PRKCE: variants seen among roughly 807,000 people sequenced by gnomAD.
PRKCE encodes the protein protein kinase C epsilon, also known as protein kinase C epsilon type.
PRKCE carries 16 observed loss-of-function variants against 85.4 expected under a neutral mutation model. That is an observed-to-expected ratio of 0.19 (90% confidence interval 0.13 to 0.28). The LOEUF is 0.28. Ranked by LOEUF, PRKCE falls within the 10% of genes least tolerant of loss-of-function variation. The pLI, the probability that PRKCE is intolerant of heterozygous loss-of-function variation, is 1.00. For synonymous variants in PRKCE, 388 were observed against 371.5 expected, an observed-to-expected ratio of 1.04 and a Z score of -0.51; for missense variants, 573 against 975.2, an observed-to-expected ratio of 0.59 and a Z score of 5.49.
At chr2:45,776,914 C>G (rs1685795880) in intron 1 of PRKCE, among the ~76,000 whole-genome samples, 1 of 152,152 alleles carries the variant, frequency 6.6e-6, no homozygotes, top group South Asian at 2.1e-4. Flanking sequence ...GGAATCACCC[C>G]AGCCTTAATA....
chr2:46,118,527 T>C (rs550819650), intron 11 of PRKCE, among the ~76,000 whole-genome samples: 1 of 152,146 alleles, frequency 6.6e-6, no homozygotes. Flanking sequence ...GCAGACACAA[T>C]ATACTCTTCA....
chr2:46,064,941 C>T (rs1284761485), intron 10 of PRKCE, among the ~76,000 whole-genome samples: 1 of 152,206 alleles, frequency 6.6e-6, no homozygotes. Flanking sequence ...CCCAAGCTTT[C>T]TGTAGATGTG....
At chr2:46,180,627 G>A (rs1679882206) in intron 14 of PRKCE, among the ~76,000 whole-genome samples, 1 of 152,216 alleles carries the variant, frequency 6.6e-6, no homozygotes, top group African/African-American at 2.4e-5. Flanking sequence ...CATGATGCAT[G>A]CCCATGGCAC....
In PRKCE at chr2:45,860,041, G is replaced by A. The variant is rs556940045; in HGVS notation, c.412+16978G>A. On this transcript the variant is annotated intron_variant, in intron 2 of 14. Transcript: ENST00000306156. ...TTACTGGAGCTGCTTTTATTTCATT[G>A]TACTTTTAGTGCCTTATTAAACTAG... Among the ~76,000 whole-genome samples the A allele has an allele frequency of 3.9e-5, 6 of 152,072 alleles. No homozygotes were observed. The East Asian group carries it at 1.2e-3, about 29-fold the overall frequency.
At chr2:46,079,592 A>G (rs951959267) in intron 10 of PRKCE, among the ~76,000 whole-genome samples, 1 of 152,264 alleles carries the variant, frequency 6.6e-6, no homozygotes, top group African/African-American at 2.4e-5. Flanking sequence ...GAAACTGCTC[A>G]TGCTGTCACC....
In PRKCE at chr2:46,068,704, G is replaced by A. The variant is rs1217352757; in HGVS notation, c.1438-17504G>A. ...CTTCATTTGCAAAGGCATCACCAAT[G>A]AGCAGGAGGATAGGAAATGCCTGGC... On this transcript the variant is annotated intron_variant, in intron 10 of 14. Coordinates refer to ENST00000306156, the MANE Select transcript of PRKCE (RefSeq NM_005400.3). The surrounding 1 kb of genome is among the most constrained non-coding windows in gnomAD (Gnocchi z 4.3). Among the ~76,000 whole-genome samples, 2 of 151,796 alleles carry A rather than the reference G, an allele frequency of 1.3e-5. No individual in the cohort carries two copies. Among genetic ancestry groups the A allele is most frequent in the Non-Finnish European group, 2.9e-5 (2 of 67,984 alleles).
At chr2:46,100,461 T>C (rs954764320) in intron 11 of PRKCE, among the ~76,000 whole-genome samples, 5 of 152,212 alleles carry the variant, frequency 3.3e-5, no homozygotes, top group African/African-American at 1.2e-4. Flanking sequence ...TAACCAACCA[T>C]GTAAGCAAGA....
chr2:45,943,462 G>A lies in PRKCE; in HGVS notation c.413-32967G>A, dbSNP rs1402375858. Among the ~76,000 whole-genome samples, 5 of 152,208 alleles carry A rather than the reference G, an allele frequency of 3.3e-5. 1 individual carries two copies. Among genetic ancestry groups the A allele is most frequent in the Admixed American group, 1.3e-4 (2 of 15,284 alleles). ...CCGGGGCTTAGGAAGGTCTGCCAGG[G>A]GGCGCTAACATTTGGACTTGATCTT... On this transcript the variant is annotated intron_variant, in intron 2 of 14. Transcript: ENST00000306156.
At chr2:46,122,531 T>G (rs1673413276) in intron 11 of PRKCE, among the ~76,000 whole-genome samples, 1 of 152,192 alleles carries the variant, frequency 6.6e-6, no homozygotes, top group East Asian at 1.9e-4. Context: ...CCCAGCCCAC[T>G]TATAGGTCTC....
At chr2:45,961,673 A>G (rs1002258260) in intron 2 of PRKCE, among the ~76,000 whole-genome samples, 1 of 150,844 alleles carries the variant, frequency 6.6e-6, no homozygotes, top group Admixed American at 6.6e-5. Context: ...TGGCCAGGGC[A>G]GTGCTACTCC....
Position 45,977,013 on chromosome 2 carries a change from C to T in PRKCE, c.572+425C>T, listed in dbSNP as rs377674419. On this transcript the variant is annotated intron_variant, in intron 3 of 14. Transcript: ENST00000306156. ...CCAGGTTCAAGTGATTCTCATGCCT[C>T]AGCCTCCCACATAGCTGGGATTACA... Among the ~76,000 whole-genome samples the T allele has an allele frequency of 6.0e-4, 91 of 152,108 alleles. No individual in the cohort carries two copies. The East Asian group carries it at 0.015, about 25-fold the overall frequency.
At chr2:45,986,600 G>A (rs780181116) in intron 6 of PRKCE, among the ~76,000 whole-genome samples, 16 of 152,202 alleles carry the variant, frequency 1.1e-4, no homozygotes, top group Non-Finnish European at 1.9e-4. Context: ...ATTGCAAGGA[G>A]ATTCCCCTTA....
intron 1 of PRKCE, among the ~76,000 whole-genome samples, chr2:45,822,385 A>G (rs1689603089): frequency 6.6e-6 from 1 of 152,178 alleles, no homozygotes; most frequent in African/African-American, 2.4e-5. Context: ...CACATTGTGT[A>G]CCCACAAGCA....
At chr2:46,020,004 C>T (rs1185565490) in intron 10 of PRKCE, among the ~76,000 whole-genome samples, 6 of 152,030 alleles carry the variant, frequency 3.9e-5, no homozygotes, top group Admixed American at 2.6e-4. Context: ...CACGCACCAC[C>T]AGGCCCAGCT....
chr2:46,080,969 G>GCACACACACACA (rs1327574193), intron 10 of PRKCE, among the ~76,000 whole-genome samples: 3 of 80,350 alleles, frequency 3.7e-5, no homozygotes, highest in Non-Finnish European at 6.5e-5. Context: ...TTGCAGTTAT[G>GCACACACACACA]CATACACACA....
chr2:45,680,172 T>A (rs963102144), intron 1 of PRKCE, among the ~76,000 whole-genome samples: 10 of 152,176 alleles, frequency 6.6e-5, no homozygotes, highest in Admixed American at 6.5e-4. Flanking sequence ...AGACAAATAA[T>A]GACATGATGG....
rs983194287 is a variant in PRKCE at position 46,184,660 on chromosome 2, G to A, written c.2068-75G>A. The A allele has an allele frequency of 3.2e-5, 49 of 1,553,086 alleles. No homozygotes were observed. Among genetic ancestry groups the A allele is most frequent in the Admixed American group, 2.5e-4 (14 of 57,070 alleles). On this transcript the variant is annotated intron_variant, in intron 14 of 14. Coordinates refer to ENST00000306156, the MANE Select transcript of PRKCE (RefSeq NM_005400.3). The surrounding 1 kb of genome is among the most constrained non-coding windows in gnomAD (Gnocchi z 5.0). ...GCTTTGGTGACAGGCTGGTCAGTGC[G>A]GTGCCCACTCCCCATGGGGGGCCCT...
chr2:46,142,688 G>T (rs1476883945), intron 11 of PRKCE, among the ~76,000 whole-genome samples: 1 of 152,244 alleles, frequency 6.6e-6, no homozygotes, highest in African/African-American at 2.4e-5. Context: ...CAAAGGGAGG[G>T]TGAGCATCTG....
intron 2 of PRKCE, among the ~76,000 whole-genome samples, chr2:45,885,309 G>A (rs1695212012): frequency 6.6e-6 from 1 of 152,078 alleles, no homozygotes; most frequent in African/African-American, 2.4e-5. Flanking sequence ...GTGTGTGTCT[G>A]GAGGGAAGGG....
Sources: allele counts gnomAD v4.1 joint callset (sites outside exome capture counted in the v4.1 genomes callset), GRCh38; gene constraint gnomAD v4.1.1; non-coding constraint Gnocchi (gnomAD v3.1); transcripts MANE v1.5; gene names NCBI Gene and HGNC (gene_info 2026-07-23, HGNC 2026-07-21).